The following LAMA2 variants were observed in gnomAD, a reference collection of about 807,000 sequenced individuals.
LAMA2 encodes laminin subunit alpha 2, also known as laminin subunit alpha-2.
Under a neutral mutation model 364.8 loss-of-function variants are expected in LAMA2, and 269 were observed. The ratio of observed to expected loss-of-function variants is 0.74; its 90% CI spans 0.67 to 0.82. The LOEUF (loss-of-function observed/expected upper bound fraction) is 0.82, where lower values mean the gene tolerates loss of function less well. Ranked by LOEUF, LAMA2 falls within the 40% of genes least tolerant of loss-of-function variation. The pLI, the probability that LAMA2 is intolerant of heterozygous loss-of-function variation, is 0.00. For synonymous variants in LAMA2, 1,379 were observed against 1,370.6 expected (o/e 1.01, Z -0.14); for missense variants, 3,807 against 3,873.2 (o/e 0.98, Z 0.45).
At chr6:129,201,563 A>T (rs1011749733) in intron 12 of LAMA2, among the ~76,000 whole-genome samples, 6 of 152,214 alleles carry the variant, frequency 3.9e-5, no homozygotes, top group Non-Finnish European at 8.8e-5. Context: ...ATTAGCTCCA[A>T]ACTACAAGCT....
At chr6:129,196,840 C>T (rs537502420) in intron 12 of LAMA2, among the ~76,000 whole-genome samples, 1 of 152,130 alleles carries the variant, frequency 6.6e-6, no homozygotes, top group East Asian at 1.9e-4. Context: ...GGTTTGCTGC[C>T]TAGAATAAAC....
chr6:129,437,030 A>G (rs1410240120), intron 41 of LAMA2: 2 of 152,054 alleles, frequency 1.3e-5, no homozygotes, highest in Non-Finnish European at 2.9e-5. Context: ...AACAAAGGAG[A>G]AAATGAGAGG....
intron 29 of LAMA2, among the ~76,000 whole-genome samples, chr6:129,330,587 GTTTGGTT>G (rs796153844): frequency 1.1e-3 from 85 of 74,840 alleles, no homozygotes; most frequent in South Asian, 4.2e-3. Context: ...TTTTGTTGTT[GTTTGGTT>G]TTTGTTTTTT....
intron 42 of LAMA2, 96 bp from the exon 43 acceptor site, chr6:129,440,720 G>A (rs769674863): frequency 1.4e-5 from 15 of 1,084,284 alleles, no homozygotes; most frequent in Admixed American, 5.1e-5. Context: ...AAATGTGTCC[G>A]AGGTCAGCCA....
At chr6:129,500,668 A>G (rs1347957518) in intron 58 of LAMA2, among the ~76,000 whole-genome samples, 1 of 152,162 alleles carries the variant, frequency 6.6e-6, no homozygotes, top group East Asian at 1.9e-4. Context: ...TCCATCTAGA[A>G]AATCTCATAG....
At chr6:129,022,871 T>C (rs1291021817) in intron 1 of LAMA2, among the ~76,000 whole-genome samples, 1 of 152,166 alleles carries the variant, frequency 6.6e-6, no homozygotes, top group Non-Finnish European at 1.5e-5. Flanking sequence ...TAAAAATTAT[T>C]TAGTGTTTCC....
chr6:129,478,952 A>T (rs1784221694), intron 54 of LAMA2, 139 bp downstream of exon 54: 1 of 797,774 alleles, frequency 1.3e-6, no homozygotes, highest in Admixed American at 1.9e-5. Flanking sequence ...ATAAAGCAAG[A>T]TTAAAGCATT....
At chr6:129,404,310 T>A (rs6906791) in intron 40 of LAMA2, among the ~76,000 whole-genome samples, 2 of 151,492 alleles carry the variant, frequency 1.3e-5, no homozygotes, top group Admixed American at 6.6e-5. Flanking sequence ...GTAACCATTG[T>A]ATATAATCAC....
chr6:129,095,932 A>G (rs181180102), intron 3 of LAMA2, among the ~76,000 whole-genome samples: 143 of 152,164 alleles, frequency 9.4e-4, no homozygotes, highest in Non-Finnish European at 1.6e-3. Flanking sequence ...GGAAAAAAAA[A>G]AAAAGTGTAA....
intron 4 of LAMA2, among the ~76,000 whole-genome samples, chr6:129,102,636 C>A (rs1562241060): frequency 6.6e-6 from 1 of 151,586 alleles, no homozygotes; most frequent in East Asian, 1.9e-4. Flanking sequence ...ATTTTATTTT[C>A]TGTTTCATCT....
At chr6:128,915,883 A>G (rs1049497244) in intron 1 of LAMA2, among the ~76,000 whole-genome samples, 1 of 152,216 alleles carries the variant, frequency 6.6e-6, no homozygotes, top group Non-Finnish European at 1.5e-5. Flanking sequence ...TCATTTGGTG[A>G]TTAGTCTACC....
chr6:129,388,128 T>C (rs1244804673), intron 35 of LAMA2, among the ~76,000 whole-genome samples: 1 of 151,864 alleles, frequency 6.6e-6, no homozygotes, highest in Non-Finnish European at 1.5e-5. Context: ...CACGGTGGCA[T>C]GCGCTATAAT....
intron 12 of LAMA2, among the ~76,000 whole-genome samples, chr6:129,194,166 A>G (rs1269563936): frequency 2.0e-5 from 3 of 152,004 alleles, no homozygotes; most frequent in Non-Finnish European, 4.4e-5. Flanking sequence ...TTGAATTTCT[A>G]CTGCTTAAAA....
intron 3 of LAMA2, among the ~76,000 whole-genome samples, chr6:129,061,941 T>C (rs562426099): frequency 1.3e-5 from 2 of 152,310 alleles, no homozygotes; most frequent in East Asian, 3.9e-4. Context: ...AGAAGGGGAA[T>C]TCAAGTAATC....
intron 14 of LAMA2, among the ~76,000 whole-genome samples, chr6:129,254,236 C>G (rs956575047): frequency 6.6e-6 from 1 of 152,142 alleles, no homozygotes; most frequent in East Asian, 1.9e-4. Context: ...AGCAAATGGG[C>G]TTAGGTTCCT....
chr6:129,192,826 C>T lies in LAMA2; in HGVS notation c.1755C>T (p.Ser585=), dbSNP rs1012171328. ...RQALPHSYYW[S]APAPYLGNKL... ...CCCTGCCGCACAGCTACTACTGGAG[C>T]GCGCCGGCTCCCTATCTGGGAAACA... The change falls in exon 12 of 65, where the codon AGC becomes AGT. Residue 585 remains serine (S), a synonymous_variant. Transcript: ENST00000421865. 1 of 1,614,068 alleles carries T rather than the reference C, an allele frequency of 6.2e-7. No homozygotes were observed. The highest frequency in any genetic ancestry group is 1.1e-5 in the South Asian group (1 of 91,066).
chr6:129,469,240 G>A (rs776725027), intron 51 of LAMA2, among the ~76,000 whole-genome samples: 13 of 151,822 alleles, frequency 8.6e-5, no homozygotes, highest in Non-Finnish European at 1.6e-4. Flanking sequence ...TATATTACTC[G>A]AGGTGTCAGT....
intron 3 of LAMA2, among the ~76,000 whole-genome samples, chr6:129,060,922 G>A (rs868020133): frequency 3.9e-5 from 6 of 152,122 alleles, no homozygotes; most frequent in Middle Eastern, 3.2e-3. Flanking sequence ...AACTGGTGGC[G>A]GCAGGGGCTC....
At chr6:129,353,473 A>G (rs1444376991) in intron 32 of LAMA2, 116 bp downstream of exon 32, 3 of 772,058 alleles carry the variant, frequency 3.9e-6, no homozygotes, top group Non-Finnish European at 6.5e-6. Context: ...TGCAATAGTT[A>G]TACTCTTCAT....
Sources: gnomAD v4.1 joint callset for allele counts (sites outside exome capture counted in the v4.1 genomes callset) on GRCh38, gnomAD v4.1.1 for gene constraint, MANE v1.5 for transcripts, NCBI Gene and HGNC (gene_info 2026-07-23, HGNC 2026-07-21) for gene names.